Variants in INPP4B observed in about 807,000 individuals in gnomAD.
INPP4B encodes the protein inositol polyphosphate-4-phosphatase type II B, also known as inositol polyphosphate 4-phosphatase type II.
A neutral mutation model predicts 122.5 loss-of-function variants in INPP4B; 55 were observed. The observed-to-expected ratio is 0.45, with a 90% CI of 0.36 to 0.56. The LOEUF is 0.56. Ranked by LOEUF, INPP4B falls within the 20% of genes least tolerant of loss-of-function variation. The pLI, the probability that INPP4B is intolerant of heterozygous loss-of-function variation, is 0.00. For missense variants in INPP4B, 1,000 were observed against 1,097.7 expected (o/e 0.91, Z 1.26); for synonymous variants, 403 against 388.7 (o/e 1.04, Z -0.43).
chr4:142,284,121 T>G (rs148956578), intron 9 of INPP4B, among the ~76,000 whole-genome samples: 18 of 151,950 alleles, frequency 1.2e-4, no homozygotes, highest in Non-Finnish European at 1.9e-4. Context: ...GTAATAGGAA[T>G]GAAAACCTGA....
intron 1 of INPP4B, among the ~76,000 whole-genome samples, chr4:142,792,814 G>T (rs914412837): frequency 1.3e-5 from 2 of 151,958 alleles, no homozygotes; most frequent in Non-Finnish European, 2.9e-5. Flanking sequence ...TAATTCAAAC[G>T]CCGCTCTTTC....
At chr4:142,695,505 G>A (rs1044481503) in intron 2 of INPP4B, among the ~76,000 whole-genome samples, 4 of 152,026 alleles carry the variant, frequency 2.6e-5, no homozygotes, top group Middle Eastern at 3.2e-3. Context: ...TCAAGCAAAG[G>A]ATAGAATGTA....
intron 22 of INPP4B, among the ~76,000 whole-genome samples, chr4:142,110,813 G>A (rs3756117): frequency 0.13 from 19,102 of 152,134 alleles, 1,374 homozygotes; most frequent in East Asian, 0.24. Flanking sequence ...ACAATAACAT[G>A]AATGATGCAA....
chr4:142,578,826 C>T (rs1302345639), intron 2 of INPP4B, among the ~76,000 whole-genome samples: 1 of 151,966 alleles, frequency 6.6e-6, no homozygotes, highest in Non-Finnish European at 1.5e-5. Context: ...CACTTTACTG[C>T]TACAACTTTT....
chr4:142,758,059 A>C (rs1770758519), intron 1 of INPP4B, among the ~76,000 whole-genome samples: 1 of 152,204 alleles, frequency 6.6e-6, no homozygotes, highest in African/African-American at 2.4e-5. Flanking sequence ...TGTTGTACTT[A>C]GCTCTGAATA....
chr4:142,058,832 G>C (rs941554301), intron 25 of INPP4B, among the ~76,000 whole-genome samples: 1 of 152,054 alleles, frequency 6.6e-6, no homozygotes, highest in Non-Finnish European at 1.5e-5. Flanking sequence ...ATTGAGATTG[G>C]GTTGAACAGT....
At chr4:142,187,143 T>C (rs1362016317) in intron 15 of INPP4B, among the ~76,000 whole-genome samples, 1 of 152,000 alleles carries the variant, frequency 6.6e-6, no homozygotes, top group African/African-American at 2.4e-5. Context: ...AAACTTTAAT[T>C]ACCATCTCCT....
At chr4:142,102,460 CTTTTTTTTTTTT>C (rs35404733) in intron 23 of INPP4B, among the ~76,000 whole-genome samples, 1 of 99,694 alleles carries the variant, frequency 1.0e-5, no homozygotes, top group African/African-American at 3.4e-5. Flanking sequence ...TGAACAAAGT[CTTTTTTTTTTTT>C]TTTTTTTTTG....
At chr4:142,459,577 T>C (rs1051650161) in intron 3 of INPP4B, among the ~76,000 whole-genome samples, 1 of 152,150 alleles carries the variant, frequency 6.6e-6, no homozygotes, top group African/African-American at 2.4e-5. Context: ...GGCAATCTGA[T>C]GGTAGCAGTG....
chr4:142,160,795 C>A (rs185439101), intron 16 of INPP4B, among the ~76,000 whole-genome samples: 1 of 152,000 alleles, frequency 6.6e-6, no homozygotes, highest in Non-Finnish European at 1.5e-5. Flanking sequence ...TTTAAATGCA[C>A]TATAAACACC....
chr4:142,056,058 C>T (rs908164933), intron 25 of INPP4B, among the ~76,000 whole-genome samples: 1 of 151,774 alleles, frequency 6.6e-6, no homozygotes, highest in Non-Finnish European at 1.5e-5. Flanking sequence ...CTCGCATGTG[C>T]AGTTTGTAAT....
At chr4:142,574,138 T>C (rs533767969) in intron 2 of INPP4B, among the ~76,000 whole-genome samples, 1 of 152,050 alleles carries the variant, frequency 6.6e-6, no homozygotes, top group East Asian at 1.9e-4. Context: ...TTCAAGACAT[T>C]ACAAAATTTG....
At chr4:142,225,993 T>A (rs1433263856) in intron 12 of INPP4B, among the ~76,000 whole-genome samples, 1 of 152,222 alleles carries the variant, frequency 6.6e-6, no homozygotes, top group African/African-American at 2.4e-5. Flanking sequence ...AAGTTATACA[T>A]GTCCCATCAT....
chr4:142,648,965 T>C, intron 2 of INPP4B, among the ~76,000 whole-genome samples: 1 of 152,246 alleles, frequency 6.6e-6, no homozygotes, highest in East Asian at 1.9e-4. Context: ...ACACCTCATA[T>C]AGGTGGCTGC....
intron 1 of INPP4B, among the ~76,000 whole-genome samples, chr4:142,785,198 A>C (rs931477935): frequency 6.6e-6 from 1 of 152,104 alleles, no homozygotes; most frequent in Non-Finnish European, 1.5e-5. Flanking sequence ...AGCAAACTTT[A>C]AACACAGCTA....
At chr4:142,692,936 T>TAGATAGATAGATAGAC (rs934213027) in intron 2 of INPP4B, among the ~76,000 whole-genome samples, 11 of 150,162 alleles carry the variant, frequency 7.3e-5, no homozygotes, top group African/African-American at 2.7e-4. Context: ...GATAGATAGA[T>TAGATAGATAGATAGAC]ACATAGATAC....
chr4:142,308,515 C>T, intron 8 of INPP4B, among the ~76,000 whole-genome samples: 1 of 152,002 alleles, frequency 6.6e-6, no homozygotes, highest in Non-Finnish European at 1.5e-5. Context: ...TTTTCTTCAC[C>T]TCAGTATAAA....
intron 3 of INPP4B, among the ~76,000 whole-genome samples, chr4:142,450,204 C>T (rs1180880022): frequency 6.6e-6 from 1 of 152,192 alleles, no homozygotes; most frequent in Non-Finnish European, 1.5e-5. Context: ...CTGGCAAGGA[C>T]AGACCAAAGT....
At chr4:142,719,962 A>C (rs921779111) in intron 2 of INPP4B, among the ~76,000 whole-genome samples, 1 of 152,216 alleles carries the variant, frequency 6.6e-6, no homozygotes, top group Admixed American at 6.5e-5. Context: ...TGTTACAAAA[A>C]CAGAATGAAA....
Sources: gnomAD v4.1 joint callset for allele counts (sites outside exome capture counted in the v4.1 genomes callset) on GRCh38, gnomAD v4.1.1 for gene constraint, MANE v1.5 for transcripts, NCBI Gene and HGNC (gene_info 2026-07-23, HGNC 2026-07-21) for gene names.